CCDC149: variants seen among roughly 807,000 people sequenced by gnomAD.
The protein encoded by CCDC149 is coiled-coil domain containing 149, also known as coiled-coil domain-containing protein 149.
A neutral mutation model predicts 59.9 loss-of-function variants in CCDC149; 45 were observed. That is an observed-to-expected ratio of 0.75 (90% confidence interval 0.59 to 0.96). CCDC149 has a LOEUF of 0.96. Among genes scored for constraint, CCDC149 ranks in the 40% least tolerant of loss-of-function variants. The pLI is 0.00. For synonymous variants in CCDC149, 245 were observed against 260.6 expected (o/e 0.94, Z 0.58); for missense variants, 584 against 664.7 (o/e 0.88, Z 1.33).
chr4:24,804,537 G>C (rs1182702761), downstream of CCDC149, among the ~76,000 whole-genome samples: 1 of 151,222 alleles, frequency 6.6e-6, no homozygotes, highest in Non-Finnish European at 1.5e-5. Context: ...CATCCACAAG[G>C]CTGTGGGAAA....
At chr4:24,887,033 T>C (rs1275962641) in intron 1 of CCDC149, among the ~76,000 whole-genome samples, 1 of 152,116 alleles carries the variant, frequency 6.6e-6, no homozygotes, top group Non-Finnish European at 1.5e-5. Context: ...TTGTCGATGT[T>C]AATTCATGCC....
intron 3 of CCDC149, among the ~76,000 whole-genome samples, chr4:24,857,529 C>T (rs1718094766): frequency 6.6e-6 from 1 of 152,130 alleles, no homozygotes; most frequent in Non-Finnish European, 1.5e-5. Flanking sequence ...AAGCACTGAG[C>T]TCAAATGGTT....
At chr4:24,911,799 A>T (rs1721885867) in intron 1 of CCDC149, among the ~76,000 whole-genome samples, 2 of 152,222 alleles carry the variant, frequency 1.3e-5, no homozygotes, top group Non-Finnish European at 1.5e-5. Context: ...CCAGAAAACG[A>T]TGAAAGGAGT....
At position 24,806,901 on chromosome 4, in the gene CCDC149, G is replaced by T. The variant is rs78968249; in HGVS notation, c.*1488C>A. On this transcript the variant is annotated 3_prime_UTR_variant, in exon 13 of 13. Transcript: ENST00000635206. ...CTGCACTTTGAGGAGGAGCAGCATA[G>T]TAAGGGATGGGGCGCCCATTCTGCT... 2,036 of 153,264 alleles carry T rather than the reference G, an allele frequency of 0.013. 99 individuals carry two copies. In the East Asian group the frequency reaches 0.16, roughly 12 times the overall value. The allele number at this position is 153,264 out of a possible 1,614,324, so 9.5% of individuals were successfully genotyped here. A position where few individuals can be genotyped will look rare whatever the true frequency, so the allele number is the denominator to read the frequency against.
At chr4:24,878,463 A>G (rs548879392) in intron 1 of CCDC149, among the ~76,000 whole-genome samples, 22 of 152,218 alleles carry the variant, frequency 1.4e-4, no homozygotes, top group Non-Finnish European at 2.6e-4. Context: ...AAAATCCCCA[A>G]TGAGTAAATA....
intron 9 of CCDC149, among the ~76,000 whole-genome samples, chr4:24,823,463 G>T (rs1219252746): frequency 6.6e-6 from 1 of 152,196 alleles, no homozygotes; most frequent in Non-Finnish European, 1.5e-5. Flanking sequence ...TTTCCATTGG[G>T]CTGGAAATTG....
At chr4:24,841,566 T>C (rs941241717) in intron 4 of CCDC149, among the ~76,000 whole-genome samples, 2 of 152,238 alleles carry the variant, frequency 1.3e-5, no homozygotes, top group Non-Finnish European at 1.5e-5. Context: ...TCATTAGTTG[T>C]GTCTGAAGCT....
intron 1 of CCDC149, among the ~76,000 whole-genome samples, chr4:24,931,542 G>A (rs908041231): frequency 5.3e-5 from 8 of 151,396 alleles, no homozygotes; most frequent in African/African-American, 1.7e-4. Context: ...CCTGGGGTTA[G>A]TGACCTTCTC....
chr4:24,914,896 A>G (rs1560255164), upstream of CCDC149, among the ~76,000 whole-genome samples: 1 of 152,168 alleles, frequency 6.6e-6, no homozygotes, highest in Non-Finnish European at 1.5e-5. Context: ...GAGCTAAGAA[A>G]AGGAACCAGT....
upstream of CCDC149, among the ~76,000 whole-genome samples, chr4:24,916,817 TGTGTGTG>T: frequency 6.6e-6 from 1 of 151,846 alleles, no homozygotes; most frequent in African/African-American, 2.4e-5. Context: ...TGTGTGTGTG[TGTGTGTG>T]TACATATATT....
chr4:24,930,113 T>C (rs772750545), intron 1 of CCDC149, among the ~76,000 whole-genome samples: 8 of 152,260 alleles, frequency 5.3e-5, no homozygotes, highest in Non-Finnish European at 1.0e-4. Flanking sequence ...GTTTTTCAGC[T>C]GGAGGAGACC....
At chr4:24,803,947 T>G (rs1713997728), downstream of CCDC149, among the ~76,000 whole-genome samples, 2 of 152,246 alleles carry the variant, frequency 1.3e-5, no homozygotes, top group Admixed American at 6.5e-5. This position sits in a 1 kb window ranked among gnomAD's most constrained non-coding sequence, Gnocchi z 4.3. Context: ...CTATTTTTTC[T>G]GCTACTCATT....
chr4:24,943,794 CA>C (rs1170669089), intron 1 of CCDC149, among the ~76,000 whole-genome samples: 1 of 152,162 alleles, frequency 6.6e-6, no homozygotes. Context: ...TTTATGTCGC[CA>C]AAAAACACAT....
intron 1 of CCDC149, among the ~76,000 whole-genome samples, chr4:24,931,755 A>T (rs1371964479): frequency 6.7e-6 from 1 of 148,536 alleles, no homozygotes; most frequent in African/African-American, 2.5e-5. Context: ...TCCTCTGGCT[A>T]CAAACAATGT....
At position 24,806,891 on chromosome 4, in the gene CCDC149, G is replaced by C. The variant is rs1421833002; in HGVS notation, c.*1498C>G. 1 of 153,168 alleles carries C rather than the reference G, an allele frequency of 6.5e-6. No homozygotes were observed. The highest frequency in any genetic ancestry group is 1.9e-4 in the East Asian group (1 of 5,186). The allele number at this position is 153,168 out of a possible 1,614,324, so 9.5% of individuals were successfully genotyped here. On this transcript the variant is annotated 3_prime_UTR_variant, in exon 13 of 13. Coordinates refer to ENST00000635206, the MANE Select transcript of CCDC149 (RefSeq NM_001330643.2). ...TCCTTCTGGGCTGCACTTTGAGGAG[G>C]AGCAGCATAGTAAGGGATGGGGCGC...
chr4:24,868,026 C>T (rs966975637), intron 3 of CCDC149, among the ~76,000 whole-genome samples: 15 of 152,356 alleles, frequency 9.8e-5, no homozygotes, highest in African/African-American at 3.6e-4. Context: ...GTGCCTTCCG[C>T]TTATACAAGG....
chr4:24,818,885 G>A (rs927358485), intron 12 of CCDC149, among the ~76,000 whole-genome samples: 2 of 152,174 alleles, frequency 1.3e-5, no homozygotes, highest in African/African-American at 4.8e-5. Context: ...CGGTTACACG[G>A]GGGCATGAAT....
chr4:24,854,419 T>C (rs1334080193), intron 3 of CCDC149, among the ~76,000 whole-genome samples: 1 of 151,958 alleles, frequency 6.6e-6, no homozygotes, highest in East Asian at 1.9e-4. Context: ...TCATAATGAA[T>C]AAATGAAGAA....
intron 8 of CCDC149, among the ~76,000 whole-genome samples, chr4:24,833,496 C>T (rs11942712): frequency 0.019 from 2,854 of 152,160 alleles, 99 homozygotes; most frequent in African/African-American, 0.065. Context: ...TGGTAGCACA[C>T]GCCTGTAGTC....
Sources: gnomAD v4.1 joint callset for allele counts (sites outside exome capture counted in the v4.1 genomes callset) on GRCh38, gnomAD v4.1.1 for gene constraint, Gnocchi (gnomAD v3.1) non-coding constraint, MANE v1.5 for transcripts, NCBI Gene and HGNC (gene_info 2026-07-23, HGNC 2026-07-21) for gene names.